Variants in GALC observed in about 807,000 individuals in gnomAD.
GALC encodes galactocerebrosidase.
GALC carries 77 observed loss-of-function variants against 91.8 expected under a neutral mutation model. The ratio of observed to expected loss-of-function variants is 0.84; its 90% CI spans 0.70 to 1.01. The LOEUF is 1.01. Among genes scored for constraint, GALC ranks in the 50% least tolerant of loss-of-function variants. The pLI is 0.00. For missense variants in GALC, 882 were observed against 855.9 expected (o/e 1.03, Z -0.38); for synonymous variants, 357 against 306.7 (o/e 1.16, Z -1.71).
chr14:87,980,469 T>A (rs1397812200), intron 6 of GALC: 1 of 978,078 alleles, frequency 1.0e-6, no homozygotes, highest in Non-Finnish European at 1.2e-6. Context: ...GTCTAATCCA[T>A]CTTTCATGAC....
At chr14:87,987,414 A>G (rs927759514) in intron 3 of GALC, among the ~76,000 whole-genome samples, 3 of 152,260 alleles carry the variant, frequency 2.0e-5, no homozygotes, top group Admixed American at 6.5e-5. Flanking sequence ...TAGCTTGAAG[A>G]AAGTTTCTGT....
intron 4 of GALC, among the ~76,000 whole-genome samples, chr14:87,985,822 G>A (rs1377207911): frequency 6.6e-6 from 1 of 152,112 alleles, no homozygotes; most frequent in Non-Finnish European, 1.5e-5. Flanking sequence ...CATTCTCACA[G>A]AACTGTGAAA....
At position 87,939,783 on chromosome 14, in the gene GALC, G is replaced by C. The variant is rs45567441; in HGVS notation, c.1911+122C>G. 0.53 allele frequency: 421,526 copies of C among 794,066 alleles called. 116,318 individuals are homozygous for C. Among genetic ancestry groups the C allele is most frequent in the East Asian group, 0.76 (30,068 of 39,656 alleles). 49.2% of individuals were successfully genotyped at this position (794,066 alleles called of 1,614,324 possible). A position where few individuals can be genotyped will look rare whatever the true frequency, so the allele number is the denominator to read the frequency against. ...GGATGAGTGGCTTCCCGGCACCAAG[G>C]CAGATTCTTTGTCTCTCTTCATTAT... On this transcript the variant is annotated intron_variant, in intron 16 of 16. Transcript: ENST00000261304.
chr14:87,993,568 G>C, upstream of GALC: 1 of 1,185,418 alleles, frequency 8.4e-7, no homozygotes. Flanking sequence ...TGTCATCTTG[G>C]TGGAATCACT....
At chr14:87,969,559 A>G (rs1595219444) in intron 7 of GALC, among the ~76,000 whole-genome samples, 1 of 152,358 alleles carries the variant, frequency 6.6e-6, no homozygotes, top group East Asian at 1.9e-4. Context: ...TAGCTAAATA[A>G]CTGTAGGAAT....
intron 6 of GALC, chr14:87,980,469 T>C: frequency 1.0e-6 from 1 of 978,194 alleles, no homozygotes; most frequent in Non-Finnish European, 1.2e-6. Context: ...GTCTAATCCA[T>C]CTTTCATGAC....
intron 10 of GALC, chr14:87,954,434 C>G: frequency 1.3e-6 from 2 of 1,591,990 alleles, no homozygotes; most frequent in Non-Finnish European, 1.7e-6. Context: ...GTACCCTCAA[C>G]TGCAAAGGAA....
intron 10 of GALC, among the ~76,000 whole-genome samples, chr14:87,961,347 T>C (rs1190931723): frequency 6.6e-6 from 1 of 152,166 alleles, no homozygotes; most frequent in Non-Finnish European, 1.5e-5. Context: ...GTAAGTTTCA[T>C]AAAACTGCTG....
chr14:87,943,512 T>A (rs1884941451), intron 14 of GALC, among the ~76,000 whole-genome samples: 1 of 151,962 alleles, frequency 6.6e-6, no homozygotes, highest in South Asian at 2.1e-4. Context: ...AGGAAGAAGA[T>A]GATTAAAATG....
At position 87,988,609 on chromosome 14, in the gene GALC, T is replaced by C. The variant is rs922128434; in HGVS notation, c.196-86A>G. 1.5e-5 allele frequency: 14 copies of C among 958,648 alleles called. No homozygotes were observed. In the African/African-American group the frequency reaches 1.9e-4, roughly 13 times the overall value. 59.4% of individuals were successfully genotyped at this position (958,648 alleles called of 1,614,324 possible). The stretch of plus-strand genomic sequence containing the variant: ...CAGTGTTCACGCACACCACCTGGTA[T>C]ACACATATTTAGCCTCAGGCAAGGT... On this transcript the variant is annotated intron_variant, in intron 1 of 16. Coordinates refer to ENST00000261304, the MANE Select transcript of GALC (RefSeq NM_000153.4).
intron 7 of GALC, 81 bp downstream of exon 7, chr14:87,976,277 G>A (rs1886487716): frequency 6.8e-7 from 1 of 1,465,428 alleles, no homozygotes; most frequent in Admixed American, 1.7e-5. Flanking sequence ...TAATCAAATG[G>A]GGAGAAGGCA....
At chr14:87,966,074 T>C (rs370346894) in intron 8 of GALC, among the ~76,000 whole-genome samples, 8 of 152,296 alleles carry the variant, frequency 5.3e-5, no homozygotes, top group Admixed American at 2.0e-4. Context: ...AGTTTTACAA[T>C]TGAGAATTAT....
chr14:87,953,107 A>C lies in GALC; in HGVS notation c.1162-2359T>G, dbSNP rs10130062. ...CCAACAGAATATCATGAAATACAAA[A>C]CCAGTGTTTGGGATTATTTTCCTTG... On this transcript the variant is annotated intron_variant, in intron 10 of 16. Transcript: ENST00000261304. 7.5e-4 allele frequency: 1,125 copies of C among 1,497,426 alleles called. 7 individuals carry two copies. In the African/African-American group the frequency reaches 0.014, roughly 18 times the overall value. The allele number at this position is 1,497,426 out of a possible 1,614,324, so 92.8% of individuals were successfully genotyped here. A position where few individuals can be genotyped will look rare whatever the true frequency, so the allele number is the denominator to read the frequency against.
At chr14:87,990,224 T>C (rs1281952437) in intron 1 of GALC, among the ~76,000 whole-genome samples, 2 of 152,248 alleles carry the variant, frequency 1.3e-5, no homozygotes, top group African/African-American at 4.8e-5. Context: ...TCCTCATTCT[T>C]TGTTATTCAA....
In GALC at chr14:87,947,594, C is replaced by T. The variant is rs17123928; in HGVS notation, c.1489+134G>A. The T allele has an allele frequency of 1.5e-3, 1,257 of 837,438 alleles. 11 individuals are homozygous for T. In the African/African-American group the frequency reaches 0.016, roughly 11 times the overall value. The allele number at this position is 837,438 out of a possible 1,614,324, so 51.9% of individuals were successfully genotyped here. ...TGCAAAAAATTAGCCCTCCTTTTAC[C>T]GCATATGAGATGTAGGAGGTAAATG... On this transcript the variant is annotated intron_variant, in intron 13 of 16. Transcript: ENST00000261304.
chr14:87,949,417 AT>A (rs1201465720), intron 12 of GALC, among the ~76,000 whole-genome samples: 1 of 151,956 alleles, frequency 6.6e-6, no homozygotes, highest in East Asian at 1.9e-4. Flanking sequence ...TCAGATCTGC[AT>A]TTTTGACATT....
intron 10 of GALC, among the ~76,000 whole-genome samples, chr14:87,955,871 A>T (rs1685616612): frequency 1.3e-5 from 2 of 152,002 alleles, no homozygotes; most frequent in Admixed American, 1.3e-4. Context: ...GATAGTCATT[A>T]ATGAGGAAGT....
rs1887278296 is a variant in GALC at position 87,992,985 on chromosome 14, C to A, written c.180G>T (p.Ala60=). The A allele has an allele frequency of 2.0e-6, 3 of 1,527,958 alleles. No individual in the cohort carries two copies. The highest frequency in any genetic ancestry group is 2.6e-6 in the Non-Finnish European group (3 of 1,146,692). 94.7% of individuals were successfully genotyped at this position (1,527,958 alleles called of 1,614,324 possible). A position where few individuals can be genotyped will look rare whatever the true frequency, so the allele number is the denominator to read the frequency against. The change falls in exon 1 of 17, where the codon GCG becomes GCT. Residue 60 remains alanine, a synonymous_variant. Coordinates refer to ENST00000261304, the MANE Select transcript of GALC (RefSeq NM_000153.4). ...GLGREFDGIG[A]VSGGGATSRL... is the part of the protein sequence containing the mutation. ...TGCCGCTCACCCCGCCGCCGCTGACCGCGCCGATGCCGTCGAACTCCCGGC... is the reference window on the plus strand; with the variant it reads ...TGCCGCTCACCCCGCCGCCGCTGACAGCGCCGATGCCGTCGAACTCCCGGC...
Position 87,968,494 on chromosome 14 carries a change from G to GA in GALC, c.753-5dup, listed in dbSNP as rs533067313. ...ATGGGTTCCAGGATAATGAGCCCTA[G>GA]AAAAAAAAAGGGTGGAAGTCAATGA... On this transcript the variant is annotated splice_polypyrimidine_tract_variant and splice_region_variant and intron_variant, in intron 7 of 16. Transcript: ENST00000261304. 358 of 1,591,542 alleles carry GA rather than the reference G, an allele frequency of 2.2e-4. No individual in the cohort carries two copies. The highest frequency in any genetic ancestry group is 2.7e-4 in the Non-Finnish European group (316 of 1,163,826).
Sources: gnomAD v4.1 joint callset for allele counts (sites outside exome capture counted in the v4.1 genomes callset) on GRCh38, gnomAD v4.1.1 for gene constraint, MANE v1.5 for transcripts, NCBI Gene and HGNC (gene_info 2026-07-23, HGNC 2026-07-21) for gene names.